The following ERBB4 variants were observed in gnomAD, a reference collection of about 807,000 sequenced individuals.
The protein encoded by ERBB4 is erb-b2 receptor tyrosine kinase 4.
A neutral mutation model predicts 158.0 loss-of-function variants in ERBB4; 42 were observed. That is an observed-to-expected ratio of 0.27 (90% CI 0.21 to 0.34). The LOEUF (loss-of-function observed/expected upper bound fraction) is 0.34. Among genes scored for constraint, ERBB4 ranks in the 10% least tolerant of loss-of-function variants. The pLI, the probability that ERBB4 is intolerant of heterozygous loss-of-function variation, is 1.00. For missense variants in ERBB4, 1,333 were observed against 1,624.1 expected, an observed-to-expected ratio of 0.82 and a Z score of 3.08; for synonymous variants, 583 against 558.7, an observed-to-expected ratio of 1.04 and a Z score of -0.61.
intron 1 of ERBB4, among the ~76,000 whole-genome samples, chr2:212,450,646 A>G (rs966859698): frequency 6.6e-6 from 1 of 152,158 alleles, no homozygotes; most frequent in Non-Finnish European, 1.5e-5. Flanking sequence ...GTGTTGTTTG[A>G]GCCACTATGT....
At chr2:212,451,820 C>T (rs1482966204) in intron 1 of ERBB4, among the ~76,000 whole-genome samples, 3 of 152,126 alleles carry the variant, frequency 2.0e-5, no homozygotes, top group Non-Finnish European at 4.4e-5. Flanking sequence ...GCATACATTC[C>T]TTTCATTTCT....
intron 13 of ERBB4, among the ~76,000 whole-genome samples, chr2:211,675,787 T>C (rs1351351649): frequency 1.8e-5 from 1 of 56,002 alleles, no homozygotes; most frequent in East Asian, 5.1e-4. Context: ...ATATAAAATA[T>C]AATATTATAT....
intron 16 of ERBB4, 40 bp downstream of exon 16, chr2:211,657,714 A>C (rs1313043923): frequency 6.7e-7 from 1 of 1,491,648 alleles, no homozygotes; most frequent in Non-Finnish European, 9.4e-7. Flanking sequence ...ATAACTAGGA[A>C]AGGATTTGAG....
intron 1 of ERBB4, among the ~76,000 whole-genome samples, chr2:212,239,472 A>G (rs941915284): frequency 6.6e-6 from 1 of 152,218 alleles, no homozygotes; most frequent in Non-Finnish European, 1.5e-5. Flanking sequence ...CATCCAAAAT[A>G]TTATCAAAAT....
intron 2 of ERBB4, among the ~76,000 whole-genome samples, chr2:211,961,484 C>T (rs938545424): frequency 1.3e-5 from 2 of 152,140 alleles, no homozygotes; most frequent in African/African-American, 4.8e-5. Context: ...AAACATGAAG[C>T]TCATGCTGAC....
At chr2:212,191,730 GTTATACATGTTACATATAA>G (rs2082231027) in intron 1 of ERBB4, among the ~76,000 whole-genome samples, 1 of 145,416 alleles carries the variant, frequency 6.9e-6, no homozygotes, top group African/African-American at 2.5e-5. Flanking sequence ...TATAACACGT[GTTATACATGTTACATATAA>G]CACGTGTTAT....
chr2:212,464,677 G>A (rs1289464710), intron 1 of ERBB4, among the ~76,000 whole-genome samples: 1 of 152,040 alleles, frequency 6.6e-6, no homozygotes, highest in Non-Finnish European at 1.5e-5. Flanking sequence ...AAGCAACTAT[G>A]TCAGTTTTCT....
intron 4 of ERBB4, among the ~76,000 whole-genome samples, chr2:211,776,259 T>C (rs1012489161): frequency 2.0e-5 from 3 of 152,198 alleles, no homozygotes; most frequent in African/African-American, 7.2e-5. Flanking sequence ...ACCTTAAACA[T>C]TCTTTATGCC....
At chr2:211,734,626 A>AG (rs984341208) in intron 5 of ERBB4, among the ~76,000 whole-genome samples, 5 of 150,216 alleles carry the variant, frequency 3.3e-5, no homozygotes, top group African/African-American at 1.2e-4. Flanking sequence ...GCATTAAAAA[A>AG]AAAAAAAAAA....
At chr2:211,594,087 C>T (rs1037729814) in intron 19 of ERBB4, among the ~76,000 whole-genome samples, 1 of 152,004 alleles carries the variant, frequency 6.6e-6, no homozygotes, top group East Asian at 1.9e-4. Flanking sequence ...TAAATTCCAT[C>T]GAGGCATATC....
At chr2:212,016,705 A>G (rs1055299022) in intron 2 of ERBB4, among the ~76,000 whole-genome samples, 1 of 152,118 alleles carries the variant, frequency 6.6e-6, no homozygotes, top group Admixed American at 6.5e-5. Context: ...TTCAGTTAAT[A>G]AGCTTTTTAC....
chr2:211,444,580 C>T (rs2064065115), intron 20 of ERBB4, among the ~76,000 whole-genome samples: 1 of 152,044 alleles, frequency 6.6e-6, no homozygotes, highest in African/African-American at 2.4e-5. Context: ...ATTAGATTAT[C>T]AGCTATTTAA....
intron 9 of ERBB4, among the ~76,000 whole-genome samples, chr2:211,706,472 G>A (rs1029523977): frequency 6.6e-6 from 1 of 151,976 alleles, no homozygotes; most frequent in African/African-American, 2.4e-5. Flanking sequence ...ATTCATGCCA[G>A]CATTCAAGTC....
At chr2:212,247,887 C>G (rs533192246) in intron 1 of ERBB4, among the ~76,000 whole-genome samples, 2 of 152,162 alleles carry the variant, frequency 1.3e-5, no homozygotes, top group East Asian at 3.9e-4. Context: ...TCACTTGAAC[C>G]TGGGAAGCAG....
At chr2:211,468,590 C>T (rs1218103572) in intron 20 of ERBB4, among the ~76,000 whole-genome samples, 3 of 151,992 alleles carry the variant, frequency 2.0e-5, no homozygotes, top group Admixed American at 2.0e-4. Flanking sequence ...GGAGAAACGC[C>T]CCCCAAGTCT....
chr2:212,166,576 G>A (rs1242326942), intron 1 of ERBB4, among the ~76,000 whole-genome samples: 78 of 144,060 alleles, frequency 5.4e-4, no homozygotes, highest in Middle Eastern at 3.6e-3. Flanking sequence ...CACAGAATTA[G>A]AAAAAAAAAA....
At chr2:212,288,870 T>C (rs2086101581) in intron 1 of ERBB4, among the ~76,000 whole-genome samples, 1 of 152,082 alleles carries the variant, frequency 6.6e-6, no homozygotes, top group Non-Finnish European at 1.5e-5. Context: ...TCATTTAATC[T>C]ATTGTGCTAT....
intron 12 of ERBB4, among the ~76,000 whole-genome samples, chr2:211,695,561 G>T (rs2072985036): frequency 6.6e-6 from 1 of 151,652 alleles, no homozygotes; most frequent in African/African-American, 2.4e-5. Flanking sequence ...ATATTTCAAG[G>T]GATTCTCAAA....
At chr2:211,626,012 G>A (rs1290083004) in intron 17 of ERBB4, among the ~76,000 whole-genome samples, 3 of 152,236 alleles carry the variant, frequency 2.0e-5, no homozygotes, top group Non-Finnish European at 4.4e-5. Flanking sequence ...AGACACATGG[G>A]TTTAAATTTG....
Sources: allele counts gnomAD v4.1 joint callset (sites outside exome capture counted in the v4.1 genomes callset), GRCh38; gene constraint gnomAD v4.1.1; transcripts MANE v1.5; gene names NCBI Gene and HGNC (gene_info 2026-07-23, HGNC 2026-07-21).